NLGN4X: variants seen among roughly 807,000 people sequenced by gnomAD.
The protein encoded by NLGN4X is neuroligin 4 X-linked.
NLGN4X carries 3 observed loss-of-function variants against 40.3 expected under a neutral mutation model. The ratio of observed to expected loss-of-function variants is 0.07; its 90% CI spans 0.03 to 0.19. NLGN4X has a LOEUF of 0.19. Ranked by LOEUF, NLGN4X falls within the 10% of genes least tolerant of loss-of-function variation. The pLI is 1.00. For missense variants in NLGN4X, 382 were observed against 708.3 expected (o/e 0.54, Z 5.23); for synonymous variants, 270 against 306.8 (o/e 0.88, Z 1.25).
intron 2 of NLGN4X, among the ~76,000 whole-genome samples, chrX:6,124,138 T>C (rs770739633): frequency 2.7e-5 from 3 of 110,450 alleles, no homozygotes; most frequent in Non-Finnish European, 3.8e-5. Context: ...AAATGGATAA[T>C]AAATACTAGA....
intron 1 of NLGN4X, among the ~76,000 whole-genome samples, chrX:6,191,847 A>G (rs1045552052): frequency 8.9e-6 from 1 of 111,926 alleles, no homozygotes; most frequent in East Asian, 2.8e-4. Flanking sequence ...TGAAAGAGCG[A>G]GATTCTATCT....
intron 2 of NLGN4X, among the ~76,000 whole-genome samples, chrX:6,035,134 CCTT>C (rs773386596): frequency 2.7e-4 from 30 of 112,071 alleles, no homozygotes; most frequent in East Asian, 1.1e-3. Context: ...TAATTTCTTT[CCTT>C]CTTATTATTG....
chrX:6,195,678 T>C (rs757811865), intron 1 of NLGN4X, among the ~76,000 whole-genome samples: 1 of 112,257 alleles, frequency 8.9e-6, no homozygotes, highest in Admixed American at 9.5e-5. Context: ...AAATTTACAA[T>C]TATCAAGTTA....
intron 1 of NLGN4X, among the ~76,000 whole-genome samples, chrX:6,222,889 T>C (rs910122031): frequency 1.8e-5 from 2 of 112,096 alleles, no homozygotes; most frequent in Non-Finnish European, 3.8e-5. Flanking sequence ...CCTGCCATCA[T>C]GTGAAGAAGG....
chrX:5,999,766 C>T (rs904944290), intron 3 of NLGN4X, among the ~76,000 whole-genome samples: 3 of 112,133 alleles, frequency 2.7e-5, no homozygotes, highest in African/African-American at 9.7e-5. Context: ...GCACTATTAT[C>T]GCTGGCTAGC....
intron 1 of NLGN4X, among the ~76,000 whole-genome samples, chrX:6,170,149 G>C (rs1057486505): frequency 2.3e-4 from 25 of 110,659 alleles, no homozygotes; most frequent in African/African-American, 8.2e-4. Context: ...TGGGAACACA[G>C]GCACGCTATG....
intron 1 of NLGN4X, among the ~76,000 whole-genome samples, chrX:6,224,658 G>A (rs1401031637): frequency 1.8e-5 from 2 of 110,378 alleles, no homozygotes; most frequent in Non-Finnish European, 3.8e-5. Flanking sequence ...TCAAGTATCT[G>A]TTACATTCTC....
At chrX:6,074,289 C>T (rs1170343335) in intron 2 of NLGN4X, among the ~76,000 whole-genome samples, 1 of 111,572 alleles carries the variant, frequency 9.0e-6, no homozygotes, top group South Asian at 3.8e-4. Flanking sequence ...CCTGTAAATA[C>T]TCCATGAGCA....
At chrX:5,899,690 C>CTTTTTTTTTTTT (rs72374207) in intron 5 of NLGN4X, among the ~76,000 whole-genome samples, 1 of 96,004 alleles carries the variant, frequency 1.0e-5, no homozygotes, top group Non-Finnish European at 2.1e-5. Flanking sequence ...GTCTTTTTTC[C>CTTTTTTTTTTTT]TTTTTTTTTT....
chrX:5,894,362 T>C (rs1457031358), intron 5 of NLGN4X, among the ~76,000 whole-genome samples: 1 of 112,530 alleles, frequency 8.9e-6, no homozygotes. Context: ...GAAATAAAAA[T>C]AGGCTTTATA....
At chrX:5,954,293 C>T (rs1238768828) in intron 3 of NLGN4X, among the ~76,000 whole-genome samples, 2 of 109,031 alleles carry the variant, frequency 1.8e-5, no homozygotes, top group Non-Finnish European at 3.8e-5. Flanking sequence ...GGTGCAATCA[C>T]AGCTCATTTC....
chrX:6,138,850 T>C (rs2039881341), intron 2 of NLGN4X, among the ~76,000 whole-genome samples: 1 of 110,745 alleles, frequency 9.0e-6, no homozygotes, highest in African/African-American at 3.3e-5. Flanking sequence ...TCCAGGTAAA[T>C]TTCCAGTATG....
rs1601906570 is a variant in NLGN4X, at chrX:5,930,969, C to T, written c.626-21730G>A. Among the ~76,000 whole-genome samples, 3 of 112,059 alleles carry T rather than the reference C, an allele frequency of 2.7e-5. No homozygotes were observed. The South Asian group carries it at 1.1e-3, about 42-fold the overall frequency. ...CTGTCTGCCACAGTTCTTTAAACTT[C>T]CAGTTCAGCTACCACTTATCATAAG... On this transcript the variant is annotated intron_variant, in intron 3 of 5. Coordinates refer to ENST00000381095, the MANE Select transcript of NLGN4X (RefSeq NM_181332.3).
intron 2 of NLGN4X, among the ~76,000 whole-genome samples, chrX:6,113,595 G>A (rs2039202234): frequency 9.2e-6 from 1 of 108,858 alleles, no homozygotes; most frequent in South Asian, 3.9e-4. Flanking sequence ...ATCCTGAACT[G>A]TAAAAATGGC....
At chrX:5,921,783 G>A (rs977027735) in intron 3 of NLGN4X, among the ~76,000 whole-genome samples, 4 of 111,905 alleles carry the variant, frequency 3.6e-5, no homozygotes, top group Non-Finnish European at 5.6e-5. Flanking sequence ...GCTGTTTTGG[G>A]CAGATGCATT....
intron 3 of NLGN4X, among the ~76,000 whole-genome samples, chrX:5,984,590 C>CA (rs1303044179): frequency 3.6e-5 from 4 of 111,221 alleles, no homozygotes; most frequent in Non-Finnish European, 5.7e-5. Context: ...GGCAGAAACT[C>CA]AAAGAAAAAC....
chrX:5,903,951 T>C, intron 4 of NLGN4X, 85 bp from the exon 5 acceptor site: 1 of 1,111,275 alleles, frequency 9.0e-7, no homozygotes, highest in Non-Finnish European at 1.2e-6. Context: ...GCTGTGATTG[T>C]CTCTCAGGCA....
rs954522912 is a variant in NLGN4X, at chrX:6,151,628, C to T, written c.-162G>A. On this transcript the variant is annotated 5_prime_UTR_variant, in exon 2 of 6. Transcript: ENST00000381095. The stretch of plus-strand genomic sequence containing the variant: ...GACAGAGCCTGAGGTTAAGAACAAG[C>T]ACAGCCGTTTTCTTGGCAGCCCATT... 3.1e-5 allele frequency: 15 copies of T among 483,611 alleles called. No individual in the cohort carries two copies. In the African/African-American group the frequency reaches 3.6e-4, roughly 12 times the overall value. The allele number at this position is 483,611 out of a possible 1,213,427, so 39.9% of individuals were successfully genotyped here. A position where few individuals can be genotyped will look rare whatever the true frequency, so the allele number is the denominator to read the frequency against.
chrX:6,041,236 T>C (rs2037148561), intron 2 of NLGN4X, among the ~76,000 whole-genome samples: 1 of 111,731 alleles, frequency 9.0e-6, no homozygotes, highest in Admixed American at 9.5e-5. Context: ...AAGCTGACTC[T>C]AGACTGAAGA....
Sources: allele counts gnomAD v4.1 joint callset (sites outside exome capture counted in the v4.1 genomes callset), GRCh38; gene constraint gnomAD v4.1.1; transcripts MANE v1.5; gene names NCBI Gene and HGNC (gene_info 2026-07-23, HGNC 2026-07-21).